ASTN2: variants seen among roughly 807,000 people sequenced by gnomAD.
The protein encoded by ASTN2 is astrotactin-2.
In ASTN2, 54 loss-of-function variants were observed where a neutral mutation model predicts 139.8. That is an observed-to-expected ratio of 0.39 (90% CI 0.31 to 0.48). The LOEUF is 0.48. ASTN2 is among the 20% of genes least tolerant of loss of function. ASTN2 has a pLI of 0.95. For missense variants in ASTN2, 1,565 were observed against 1,725.1 expected (o/e 0.91, Z 1.64); for synonymous variants, 756 against 719.5 (o/e 1.05, Z -0.81).
At chr9:116,829,436 T>C (rs1443789352) in intron 11 of ASTN2, among the ~76,000 whole-genome samples, 2 of 151,912 alleles carry the variant, frequency 1.3e-5, no homozygotes, top group Non-Finnish European at 2.9e-5. Context: ...TAGTCCGTTA[T>C]CACACTACTA....
chr9:117,329,068 G>A (rs1828614484), intron 1 of ASTN2, among the ~76,000 whole-genome samples: 1 of 152,082 alleles, frequency 6.6e-6, no homozygotes, highest in South Asian at 2.1e-4. Context: ...TTAACCTGCA[G>A]CTGGAGGGCC....
In ASTN2 at chr9:116,531,073, A is replaced by C. The variant is rs138905687; in HGVS notation, c.3356-43573T>G. Among the ~76,000 whole-genome samples the C allele has an allele frequency of 2.5e-3, 374 of 152,328 alleles. 8 individuals carry two copies. The highest frequency in any genetic ancestry group is 0.025 in the East Asian group (127 of 5,182). ...TTATTCAATTACTATGTATTAATGTAAGCTGAGACACGTTCTTGGCCCCAT... is the reference window on the plus strand; with the variant it reads ...TTATTCAATTACTATGTATTAATGTCAGCTGAGACACGTTCTTGGCCCCAT... On this transcript the variant is annotated intron_variant, in intron 19 of 22. Coordinates refer to ENST00000313400, the MANE Select transcript of ASTN2 (RefSeq NM_001365068.1).
At chr9:117,130,415 T>C (rs1207569209) in intron 4 of ASTN2, among the ~76,000 whole-genome samples, 2 of 152,166 alleles carry the variant, frequency 1.3e-5, no homozygotes, top group African/African-American at 4.8e-5. Context: ...ACTTTATCTT[T>C]CACTTTTTCC....
chr9:116,727,270 A>G (rs973273247), intron 15 of ASTN2, among the ~76,000 whole-genome samples: 31 of 152,150 alleles, frequency 2.0e-4, no homozygotes, highest in African/African-American at 7.5e-4. Flanking sequence ...AACTGGGTAC[A>G]TGGCCCAGTT....
chr9:117,241,354 A>C (rs1052260799), intron 2 of ASTN2, among the ~76,000 whole-genome samples: 8 of 152,182 alleles, frequency 5.3e-5, no homozygotes, highest in Non-Finnish European at 8.8e-5. Context: ...TTTGACATTT[A>C]TATCAGTGCA....
At position 117,006,068 on chromosome 9, in the gene ASTN2, G is replaced by A. The variant is rs562203246; in HGVS notation, c.1591+2024C>T. On this transcript the variant is annotated intron_variant, in intron 7 of 22. Transcript: ENST00000313400. ...CAAACTTCCTGTGTGAGGGACTCCT[G>A]GGTCACCATCAGACAACCAGATCTT... Among the ~76,000 whole-genome samples the A allele has an allele frequency of 3.1e-4, 47 of 152,172 alleles. 2 individuals are homozygous for A. In the South Asian group the frequency reaches 9.1e-3, roughly 30 times the overall value.
intron 19 of ASTN2, among the ~76,000 whole-genome samples, chr9:116,502,813 G>A (rs1187467975): frequency 6.8e-6 from 1 of 146,278 alleles, no homozygotes; most frequent in Non-Finnish European, 1.5e-5. Flanking sequence ...AGGTAGAAAA[G>A]AAGAAGAGAA....
chr9:116,438,336 C>T (rs1056457790), intron 22 of ASTN2, among the ~76,000 whole-genome samples: 1 of 152,132 alleles, frequency 6.6e-6, no homozygotes, highest in African/African-American at 2.4e-5. Context: ...AAAAGCTTAC[C>T]ATTACCCTAA....
chr9:117,352,604 A>G (rs180787094), intron 1 of ASTN2, among the ~76,000 whole-genome samples: 9 of 152,320 alleles, frequency 5.9e-5, no homozygotes, highest in Admixed American at 5.9e-4. Flanking sequence ...CTGAACTGGG[A>G]AAGCCATCCC....
In ASTN2 at chr9:116,948,191, C is replaced by T. The variant is rs551328373; in HGVS notation, c.1889+27017G>A. Reference sequence around the variant, plus strand: ...AATTAAGATGTTGTCTGCCAGTCTTCCCTACTGTAAAGTAACTCTTTATTC... The same window carrying T: ...AATTAAGATGTTGTCTGCCAGTCTTTCCTACTGTAAAGTAACTCTTTATTC... On this transcript the variant is annotated intron_variant, in intron 10 of 22. Transcript: ENST00000313400. Among the ~76,000 whole-genome samples the T allele has an allele frequency of 2.6e-5, 4 of 152,292 alleles. No individual in the cohort carries two copies. The South Asian group carries it at 6.2e-4, about 24-fold the overall frequency.
chr9:116,983,453 G>T (rs1836573731), intron 7 of ASTN2, among the ~76,000 whole-genome samples: 1 of 152,178 alleles, frequency 6.6e-6, no homozygotes, highest in African/African-American at 2.4e-5. Context: ...CTAGTCAGTT[G>T]CCCTAGGTCA....
chr9:116,616,993 G>A (rs1808662716), intron 19 of ASTN2, among the ~76,000 whole-genome samples: 1 of 152,116 alleles, frequency 6.6e-6, no homozygotes, highest in South Asian at 2.1e-4. Flanking sequence ...TGAAAGATGA[G>A]GCAAAATCAG....
intron 10 of ASTN2, among the ~76,000 whole-genome samples, chr9:116,889,977 A>G (rs912787973): frequency 2.0e-5 from 3 of 152,140 alleles, no homozygotes; most frequent in African/African-American, 7.2e-5. Flanking sequence ...AGAAAGAAAG[A>G]GAGGAGGGAG....
intron 3 of ASTN2, among the ~76,000 whole-genome samples, chr9:117,166,385 T>C (rs1225801674): frequency 6.6e-6 from 1 of 152,112 alleles, no homozygotes; most frequent in Non-Finnish European, 1.5e-5. Flanking sequence ...TGCCAAAAAT[T>C]CAAATAGAAT....
chr9:117,179,571 C>T (rs919343885), intron 3 of ASTN2, among the ~76,000 whole-genome samples: 7 of 152,148 alleles, frequency 4.6e-5, no homozygotes, highest in Non-Finnish European at 7.3e-5. Context: ...TCTCTTCTTC[C>T]TCTTCTTGGT....
intron 16 of ASTN2, among the ~76,000 whole-genome samples, chr9:116,676,344 G>A (rs1002577894): frequency 6.6e-6 from 1 of 152,216 alleles, no homozygotes; most frequent in Admixed American, 6.5e-5. Flanking sequence ...CAAATCTGGT[G>A]TACTTTGTGC....
chr9:117,082,433 A>G (rs1828452529), intron 5 of ASTN2, among the ~76,000 whole-genome samples: 1 of 152,108 alleles, frequency 6.6e-6, no homozygotes, highest in African/African-American at 2.4e-5. Flanking sequence ...TTCTACCCCA[A>G]TAACCTCCTA....
chr9:117,408,387 T>C (rs972449248), intron 1 of ASTN2, among the ~76,000 whole-genome samples: 1 of 152,142 alleles, frequency 6.6e-6, no homozygotes, highest in Non-Finnish European at 1.5e-5. Flanking sequence ...TTCAATGCCT[T>C]GTGAGTCTGT....
At chr9:117,044,225 T>C (rs1036750717) in intron 5 of ASTN2, among the ~76,000 whole-genome samples, 8 of 152,272 alleles carry the variant, frequency 5.3e-5, no homozygotes, top group Admixed American at 1.3e-4. Flanking sequence ...ATTATTCTTA[T>C]AGAAGCAGAA....
Sources: gnomAD v4.1 joint callset for allele counts (sites outside exome capture counted in the v4.1 genomes callset) on GRCh38, gnomAD v4.1.1 for gene constraint, MANE v1.5 for transcripts, NCBI Gene and HGNC (gene_info 2026-07-23, HGNC 2026-07-21) for gene names.